MSL2: variants seen among roughly 807,000 people sequenced by gnomAD.
The protein encoded by MSL2 is MSL complex subunit 2.
Under a neutral mutation model 35.8 loss-of-function variants are expected in MSL2, and 2 were observed. The ratio of observed to expected loss-of-function variants is 0.06; its 90% CI spans 0.02 to 0.18. The LOEUF (loss-of-function observed/expected upper bound fraction) is 0.18. Among genes scored for constraint, MSL2 ranks in the 10% least tolerant of loss-of-function variants. The pLI is 1.00. For synonymous variants in MSL2, 296 were observed against 255.7 expected (o/e 1.16, Z -1.50); for missense variants, 523 against 706.7 (o/e 0.74, Z 2.95).
intron 1 of MSL2, among the ~76,000 whole-genome samples, chr3:136,165,061 G>A (rs540000262): frequency 6.6e-6 from 1 of 152,208 alleles, no homozygotes; most frequent in East Asian, 1.9e-4. Flanking sequence ...TTTTAGTAGA[G>A]ACGGGGTTTC....
At chr3:136,168,082 A>G (rs925250955) in intron 1 of MSL2, among the ~76,000 whole-genome samples, 2 of 152,262 alleles carry the variant, frequency 1.3e-5, no homozygotes, top group African/African-American at 2.4e-5. Context: ...GAAACTCATA[A>G]TAAGTTCTCA....
Position 136,149,238 on chromosome 3 carries a change from G to A in MSL2, c.*1909C>T, listed in dbSNP as rs1357566688. 6.6e-6 allele frequency: 1 copy of A among 152,272 alleles called. No individual in the cohort carries two copies. The highest frequency in any genetic ancestry group is 1.5e-5 in the Non-Finnish European group (1 of 67,992). 9.4% of individuals were successfully genotyped at this position (152,272 alleles called of 1,614,324 possible). On this transcript the variant is annotated 3_prime_UTR_variant, in exon 2 of 2. Coordinates refer to ENST00000309993, the MANE Select transcript of MSL2 (RefSeq NM_018133.4). The stretch of plus-strand genomic sequence containing the variant: ...ATTTGCAAAATATATCCTCATCCAT[G>A]TGTACAATCTCATTTCTAATCATTT...
chr3:136,168,713 C>A (rs1441660636), intron 1 of MSL2, among the ~76,000 whole-genome samples: 2 of 151,898 alleles, frequency 1.3e-5, no homozygotes, highest in African/African-American at 2.4e-5. Flanking sequence ...ATGTAACAAA[C>A]CTGCACGTTC....
chr3:136,175,887 TAAGCCTGCCACTGTGC>T (rs1940158690), intron 1 of MSL2, among the ~76,000 whole-genome samples: 1 of 98,986 alleles, frequency 1.0e-5, no homozygotes, highest in Admixed American at 9.3e-5. Flanking sequence ...AACACTGTGC[TAAGCCTGCCACTGTGC>T]TAAGCCTGCC....
In MSL2 at chr3:136,155,739, C is replaced by T. The variant is rs1280066811; in HGVS notation, c.143-3001G>A. Reference sequence around the variant, plus strand: ...CCTTTTGTGCCTGCTTCCCCTCCTTCTACAGACGGAATTGTGAGCACCATG... The same window carrying T: ...CCTTTTGTGCCTGCTTCCCCTCCTTTTACAGACGGAATTGTGAGCACCATG... On this transcript the variant is annotated intron_variant, in intron 1 of 1. Coordinates refer to ENST00000309993, the MANE Select transcript of MSL2 (RefSeq NM_018133.4). 1.2e-5 allele frequency: 6 copies of T among 516,068 alleles called. No individual in the cohort carries two copies. In the East Asian group the frequency reaches 2.9e-4, roughly 25 times the overall value. The allele number at this position is 516,068 out of a possible 1,614,324, so 32.0% of individuals were successfully genotyped here. A position where few individuals can be genotyped will look rare whatever the true frequency, so the allele number is the denominator to read the frequency against.
Position 136,166,695 on chromosome 3 carries a change from C to T in MSL2, c.143-13957G>A, listed in dbSNP as rs147749032. ...CAGCATAAGTTTGAGAGGCAAATAG[C>T]GCTAAAATAAATAAACCGTAACTAA... On this transcript the variant is annotated intron_variant, in intron 1 of 1. Transcript: ENST00000309993. Among the ~76,000 whole-genome samples, 18 of 152,202 alleles carry T rather than the reference C, an allele frequency of 1.2e-4. No homozygotes were observed. In the East Asian group the frequency reaches 3.3e-3, roughly 28 times the overall value.
chr3:136,171,533 C>T (rs140404079), intron 1 of MSL2, among the ~76,000 whole-genome samples: 1 of 152,310 alleles, frequency 6.6e-6, no homozygotes, highest in African/African-American at 2.4e-5. Flanking sequence ...GCAGCACACC[C>T]ACTAGCTAAA....
chr3:136,166,314 GGAGGTGGA>G (rs1422283874), intron 1 of MSL2, among the ~76,000 whole-genome samples: 1 of 151,924 alleles, frequency 6.6e-6, no homozygotes, highest in Admixed American at 6.6e-5. Flanking sequence ...TCTGAGCCCG[GGAGGTGGA>G]GGTGGCAGTG....
chr3:136,159,329 T>C (rs193136589), intron 1 of MSL2, among the ~76,000 whole-genome samples: 3 of 151,144 alleles, frequency 2.0e-5, no homozygotes, highest in Admixed American at 1.3e-4. Flanking sequence ...ATCCAGATGA[T>C]TCAATGGGGA....
rs1940814037 is a variant in MSL2, at chr3:136,195,541, T to G, written c.-428A>C. 8 of 1,002,272 alleles carry G rather than the reference T, an allele frequency of 8.0e-6. No homozygotes were observed. Among genetic ancestry groups the G allele is most frequent in the Admixed American group, 6.0e-5 (1 of 16,610 alleles). 62.1% of individuals were successfully genotyped at this position (1,002,272 alleles called of 1,614,324 possible). On this transcript the variant is annotated 5_prime_UTR_variant, in exon 1 of 2. Transcript: ENST00000309993. ...CGCGGGAGCAGGCCCCGGCCCCGTC[T>G]GAGGCGCGGCACGCTTCTCCCGGGC... is the stretch of plus-strand genomic sequence containing the variant.
chr3:136,168,408 A>T (rs975073197), intron 1 of MSL2, among the ~76,000 whole-genome samples: 4 of 152,232 alleles, frequency 2.6e-5, no homozygotes, highest in African/African-American at 9.7e-5. Flanking sequence ...TGGCACACAT[A>T]AACCATGGAA....
chr3:136,183,536 C>G (rs1173787261), intron 1 of MSL2, among the ~76,000 whole-genome samples: 2 of 152,168 alleles, frequency 1.3e-5, no homozygotes, highest in African/African-American at 4.8e-5. Flanking sequence ...ATCCTCCCAC[C>G]TCAGCCTCCC....
intron 1 of MSL2, among the ~76,000 whole-genome samples, chr3:136,163,260 AATAAAT>A (rs555283083): frequency 1.1e-4 from 16 of 152,216 alleles, no homozygotes; most frequent in African/African-American, 1.7e-4. Flanking sequence ...CTCCGTCTCA[AATAAAT>A]ATAAATATAA....
At chr3:136,190,003 C>G (rs1940637080) in intron 1 of MSL2, among the ~76,000 whole-genome samples, 1 of 151,964 alleles carries the variant, frequency 6.6e-6, no homozygotes, top group Non-Finnish European at 1.5e-5. Context: ...ATCACCTGGA[C>G]CCGGGAGACA....
At chr3:136,183,599 T>C (rs1177381685) in intron 1 of MSL2, among the ~76,000 whole-genome samples, 1 of 152,138 alleles carries the variant, frequency 6.6e-6, no homozygotes, top group Non-Finnish European at 1.5e-5. Flanking sequence ...ATTTTTGTAT[T>C]TGTTGTAGAG....
chr3:136,186,184 C>A (rs565990905), intron 1 of MSL2, among the ~76,000 whole-genome samples: 6 of 152,232 alleles, frequency 3.9e-5, no homozygotes, highest in African/African-American at 1.4e-4. Flanking sequence ...CTTTTGACTC[C>A]TTCAATTTTT....
At chr3:136,193,518 T>C (rs1940750045) in intron 1 of MSL2, among the ~76,000 whole-genome samples, 1 of 149,344 alleles carries the variant, frequency 6.7e-6, no homozygotes, top group African/African-American at 2.5e-5. Flanking sequence ...AAAAAGTATA[T>C]GGAGAAGGAA....
At position 136,175,296 on chromosome 3, in the gene MSL2, A is replaced by G. The variant is rs370222720; in HGVS notation, c.142+19676T>C. Among the ~76,000 whole-genome samples the G allele has an allele frequency of 2.6e-4, 40 of 151,578 alleles. No homozygotes were observed. In the East Asian group the frequency reaches 6.2e-3, roughly 24 times the overall value. ...GAGGCGGAGGTTGCAGTGAGCCGAG[A>G]TCGCGCCACTGCACTCCAGCCTGGG... On this transcript the variant is annotated intron_variant, in intron 1 of 1. Coordinates refer to ENST00000309993, the MANE Select transcript of MSL2 (RefSeq NM_018133.4).
chr3:136,194,963 G>C lies in MSL2; in HGVS notation c.142+9C>G. 7 of 1,613,548 alleles carry C rather than the reference G, an allele frequency of 4.3e-6. No homozygotes were observed. Among genetic ancestry groups the C allele is most frequent in the South Asian group, 1.1e-5 (1 of 91,048 alleles). On this transcript the variant is annotated intron_variant, in intron 1 of 1. Coordinates refer to ENST00000309993, the MANE Select transcript of MSL2 (RefSeq NM_018133.4). ...AGCATTGAAAAGGGAACAATAAAAA[G>C]CGTCTCACCGCAAACACAGCACGAA...
Sources: allele counts gnomAD v4.1 joint callset (sites outside exome capture counted in the v4.1 genomes callset), GRCh38; gene constraint gnomAD v4.1.1; transcripts MANE v1.5; gene names NCBI Gene and HGNC (gene_info 2026-07-23, HGNC 2026-07-21).